Variants in GIGYF1 observed in about 807,000 individuals in gnomAD.
GIGYF1 encodes the protein GRB10 interacting GYF protein 1, also known as GRB10-interacting GYF protein 1.
Under a neutral mutation model 147.1 loss-of-function variants are expected in GIGYF1, and 84 were observed. The ratio of observed to expected loss-of-function variants is 0.57; its 90% CI spans 0.48 to 0.68. The LOEUF (loss-of-function observed/expected upper bound fraction) is 0.68, where lower values mean the gene tolerates loss of function less well. GIGYF1 is among the 30% of genes least tolerant of loss of function. The pLI is 0.00. For synonymous variants in GIGYF1, 752 were observed against 589.5 expected (o/e 1.28, Z -3.99); for missense variants, 1,485 against 1,393.7 (o/e 1.07, Z -1.04).
At position 100,687,819 on chromosome 7, in the gene GIGYF1, A is replaced by C; in HGVS notation, c.230T>G (p.Leu77Arg). ...AVLQDEPLQP[L>R]ALEPLTEEEQ... Reference sequence around the variant, plus strand: ...CTCCTCAGTCAGCGGCTCCAGAGCCAGGGGCTGCAGTGGCTCGTCCTGCAG... The same window carrying C: ...CTCCTCAGTCAGCGGCTCCAGAGCCCGGGGCTGCAGTGGCTCGTCCTGCAG... The change falls in exon 6 of 27, where the codon CTG (leucine) becomes CGG (arginine). Residue 77 changes from leucine (L) to arginine (R), a missense_variant. Coordinates refer to ENST00000678049, the MANE Select transcript of GIGYF1 (RefSeq NM_001375765.1). 6.2e-7 allele frequency: 1 copy of C among 1,613,034 alleles called. No individual in the cohort carries two copies. The highest frequency in any genetic ancestry group is 2.2e-5 in the East Asian group (1 of 44,866).
In GIGYF1 at chr7:100,687,398, G is replaced by A. The variant is rs1332983456; in HGVS notation, c.382C>T (p.Arg128Cys). The A allele has an allele frequency of 7.4e-6, 12 of 1,613,236 alleles. No homozygotes were observed. Among genetic ancestry groups the A allele is most frequent in the Non-Finnish European group, 8.5e-6 (10 of 1,179,968 alleles). ...CTTTGGTAAAAGCAGCTGTCACCAC[G>A]GCCGCGGCCTAGAGAAGAGGCCAGA... ...RGSTRSRGRGRGDSCFYQRSI... is the reference protein window; with the variant it reads ...RGSTRSRGRGCGDSCFYQRSI... The change falls in exon 8 of 27, where the codon CGT (arginine) becomes TGT (cysteine). Residue 128 changes from arginine to cysteine, a missense_variant. Physicochemically the swap from Arg to Cys is radical, Grantham distance 180. Transcript: ENST00000678049.
rs1250099478 is a variant in GIGYF1, at chr7:100,681,153, T to TG, written c.*565dup. The TG allele has an allele frequency of 4.6e-5, 7 of 152,410 alleles. No individual in the cohort carries two copies. The highest frequency in any genetic ancestry group is 8.8e-5 in the Non-Finnish European group (6 of 67,984). The allele number at this position is 152,410 out of a possible 1,614,324, so 9.4% of individuals were successfully genotyped here. On this transcript the variant is annotated 3_prime_UTR_variant, in exon 27 of 27. Transcript: ENST00000678049. ...AGCTGCTCACAACAGGTCTGGCGGG[T>TG]GGGGCTCAGACAGGCCTCCTGTGCA...
At position 100,689,366 on chromosome 7, in the gene GIGYF1, G is replaced by C. The variant is rs1169816890; in HGVS notation, c.-909C>G. 1 of 152,334 alleles carries C rather than the reference G, an allele frequency of 6.6e-6. No individual in the cohort carries two copies. The highest frequency in any genetic ancestry group is 1.5e-5 in the Non-Finnish European group (1 of 68,134). The allele number at this position is 152,334 out of a possible 1,614,324, so 9.4% of individuals were successfully genotyped here. On this transcript the variant is annotated 5_prime_UTR_variant, in exon 2 of 27. Coordinates refer to ENST00000678049, the MANE Select transcript of GIGYF1 (RefSeq NM_001375765.1). ...AGGTCAGGGCAATGGAGGCTGATGG[G>C]GGCGCGGCGGCAGCCTGTTCCTCTA...
rs373667781 is a variant in GIGYF1, at chr7:100,688,277, G to A, written c.-39C>T. On this transcript the variant is annotated 5_prime_UTR_variant, in exon 4 of 27. Coordinates refer to ENST00000678049, the MANE Select transcript of GIGYF1 (RefSeq NM_001375765.1). Reference sequence around the variant, plus strand: ...GTGTTTGAGAGGCCGGGGGTGGGGAGGAGGGGACCTGGCGTTCACTGTCCA... The same window carrying A: ...GTGTTTGAGAGGCCGGGGGTGGGGAAGAGGGGACCTGGCGTTCACTGTCCA... 3 of 1,352,548 alleles carry A rather than the reference G, an allele frequency of 2.2e-6. No individual in the cohort carries two copies. Among genetic ancestry groups the A allele is most frequent in the Non-Finnish European group, 3.2e-6 (3 of 942,774 alleles). 83.8% of individuals were successfully genotyped at this position (1,352,548 alleles called of 1,614,324 possible). A position where few individuals can be genotyped will look rare whatever the true frequency, so the allele number is the denominator to read the frequency against.
In GIGYF1 at chr7:100,681,168, C is replaced by T. The variant is rs989370452; in HGVS notation, c.*551G>A. 1 of 152,726 alleles carries T rather than the reference C, an allele frequency of 6.5e-6. No individual in the cohort carries two copies. The highest frequency in any genetic ancestry group is 1.9e-4 in the East Asian group (1 of 5,194). 9.5% of individuals were successfully genotyped at this position (152,726 alleles called of 1,614,324 possible). A position where few individuals can be genotyped will look rare whatever the true frequency, so the allele number is the denominator to read the frequency against. On this transcript the variant is annotated 3_prime_UTR_variant, in exon 27 of 27. Transcript: ENST00000678049. ...GTCTGGCGGGTGGGGCTCAGACAGG[C>T]CTCCTGTGCAAACTGCTGGCCCCCA...
intron 24 of GIGYF1, 26 bp downstream of exon 24, chr7:100,682,296 C>T: frequency 6.2e-7 from 1 of 1,609,134 alleles, no homozygotes; most frequent in Non-Finnish European, 8.5e-7. Context: ...CAGGTCCCGC[C>T]CACCTCCTGG....
intron 1 of GIGYF1, among the ~76,000 whole-genome samples, chr7:100,690,176 A>C (rs961711266): frequency 1.3e-5 from 2 of 152,216 alleles, no homozygotes; most frequent in Non-Finnish European, 2.9e-5. Context: ...AGGGAACAAA[A>C]GGTATCTGGA....
Position 100,683,646 on chromosome 7 carries a change from G to A in GIGYF1, c.1970-14C>T. 6.2e-7 allele frequency: 1 copy of A among 1,612,560 alleles called. No homozygotes were observed. The highest frequency in any genetic ancestry group is 8.5e-7 in the Non-Finnish European group (1 of 1,178,510). ...TGGCCTCACCACCTGCAGGGGGCAG[G>A]GGGGCAGAGGCGGCTGCAGGTGGGC... On this transcript the variant is annotated splice_polypyrimidine_tract_variant and intron_variant, in intron 19 of 26. Transcript: ENST00000678049.
At position 100,687,776 on chromosome 7, in the gene GIGYF1, G is replaced by A. The variant is rs1209010912; in HGVS notation, c.261+12C>T. ...CAGGCTCCCGCAGCCTCAGCTCCTG[G>A]CCCGGTCCCACCTGTTCCTCCTCAG... On this transcript the variant is annotated intron_variant, in intron 6 of 26. Transcript: ENST00000678049. 22 of 1,610,368 alleles carry A rather than the reference G, an allele frequency of 1.4e-5. No homozygotes were observed. Among genetic ancestry groups the A allele is most frequent in the African/African-American group, 6.7e-5 (5 of 74,706 alleles).
chr7:100,693,112 G>A (rs1388582724), intron 1 of GIGYF1, among the ~76,000 whole-genome samples: 3 of 152,110 alleles, frequency 2.0e-5, no homozygotes, highest in African/African-American at 7.2e-5. Context: ...AGAGGCAGGA[G>A]GGAAGTAAGG....
At position 100,685,377 on chromosome 7, in the gene GIGYF1, C is replaced by T. The variant is rs538822385; in HGVS notation, c.1159G>A (p.Glu387Lys). ...GCTGGGGGCTCTTTCTCTGCAGTTT[C>T]GTCCCCATCCCCGTTTGTCCCCCAG... ...PLWGTNGDGD[E>K]TAEKEPPAAE... is the part of the protein sequence containing the mutation. Residue 387 changes from glutamate to lysine, a missense_variant, in exon 13 of 27, where the codon GAA (glutamate) becomes AAA (lysine). Transcript: ENST00000678049. The T allele has an allele frequency of 1.9e-6, 3 of 1,598,156 alleles. No homozygotes were observed. Among genetic ancestry groups the T allele is most frequent in the African/African-American group, 1.4e-5 (1 of 73,692 alleles).
At position 100,686,086 on chromosome 7, in the gene GIGYF1, G is replaced by A. The variant is rs1239547085; in HGVS notation, c.949-7C>T. The A allele has an allele frequency of 2.5e-6, 4 of 1,611,964 alleles. No individual in the cohort carries two copies. The highest frequency in any genetic ancestry group is 4.5e-5 in the East Asian group (2 of 44,864). ...TGGGCTCCTTGGGGCCCTTCTGCAT[G>A]GGGCCGGGGTGGGGAGCAGAGAACA... On this transcript the variant is annotated splice_region_variant and splice_polypyrimidine_tract_variant and intron_variant, in intron 11 of 26. Transcript: ENST00000678049.
chr7:100,687,262 T>C (rs1425409333), intron 8 of GIGYF1, 36 bp downstream of exon 8: 4 of 1,582,448 alleles, frequency 2.5e-6, no homozygotes, highest in African/African-American at 2.7e-5. Context: ...CTCCCTGGCC[T>C]GCCCGGCTCT....
chr7:100,687,016 C>T lies in GIGYF1; in HGVS notation c.513G>A (p.Arg171=). The change falls in exon 9 of 27, where the codon AGG becomes AGA. Residue 171 remains arginine (R), a synonymous_variant. Coordinates refer to ENST00000678049, the MANE Select transcript of GIGYF1 (RefSeq NM_001375765.1). ...RGERRFEKSA[R]RDGARCGFEE... ...TCAGCAGCCTCGTACCTCCATCCCGCCTTGCTGACTTCTCAAACCGCCTCT... is the reference window on the plus strand; with the variant it reads ...TCAGCAGCCTCGTACCTCCATCCCGTCTTGCTGACTTCTCAAACCGCCTCT... 3.1e-6 allele frequency: 5 copies of T among 1,613,954 alleles called. No homozygotes were observed. The highest frequency in any genetic ancestry group is 4.2e-6 in the Non-Finnish European group (5 of 1,180,020).
Position 100,688,066 on chromosome 7 carries a change from G to T in GIGYF1, c.80C>A (p.Pro27Gln). The T allele has an allele frequency of 6.2e-7, 1 of 1,612,554 alleles. No individual in the cohort carries two copies. Among genetic ancestry groups the T allele is most frequent in the Non-Finnish European group, 8.5e-7 (1 of 1,179,206 alleles). The change falls in exon 5 of 27, where the codon CCG becomes CAG. Residue 27 changes from proline to glutamine, a missense_variant. Physicochemically the swap from Pro to Gln is moderately conservative, Grantham distance 76. Transcript: ENST00000678049. Reference protein sequence around the residue: ...SGGGSVASPPPSPAMPKYKLA... With the variant: ...SGGGSVASPPQSPAMPKYKLA... ...CTTGTATTTGGGCATGGCAGGGGAC[G>T]GGGGTGGGGAGGCCACGCTGCCGCC...
intron 24 of GIGYF1, 22 bp downstream of exon 24, chr7:100,682,300 C>T (rs1186943094): frequency 2.5e-6 from 4 of 1,609,354 alleles, no homozygotes; most frequent in Non-Finnish European, 3.4e-6. Flanking sequence ...TCCCGCCCAC[C>T]TCCTGGGAGC....
In GIGYF1 at chr7:100,682,464, T is replaced by C. The variant is rs766507952; in HGVS notation, c.2619A>G (p.Leu873=). ...TCTTTTTGCGAATGGGCCGACCCGA[T>C]AGGTGGCTGTATGAGTCACTGAAGG... ...SPSLSDSYSH[L]SGRPIRKKTE... Residue 873 remains leucine, a synonymous_variant, in exon 24 of 27, where the codon CTA becomes CTG. Coordinates refer to ENST00000678049, the MANE Select transcript of GIGYF1 (RefSeq NM_001375765.1). 1.1e-5 allele frequency: 17 copies of C among 1,612,550 alleles called. 1 individual carries two copies. The South Asian group carries it at 1.1e-4, about 10-fold the overall frequency.
At chr7:100,686,971 TGCCGCCCCG>T in intron 9 of GIGYF1, 26 bp downstream of exon 9, 3 of 1,613,130 alleles carry the variant, frequency 1.9e-6, no homozygotes, top group South Asian at 2.2e-5. Context: ...TGGTCCTCCC[TGCCGCCCCG>T]GCCGCCGCCC....
chr7:100,690,271 G>A (rs527368221), intron 1 of GIGYF1, among the ~76,000 whole-genome samples: 11 of 152,244 alleles, frequency 7.2e-5, no homozygotes, highest in African/African-American at 2.6e-4. Flanking sequence ...AGGCCATTTT[G>A]GGCCTCCTCC....
Sources: allele counts gnomAD v4.1 joint callset (sites outside exome capture counted in the v4.1 genomes callset), GRCh38; gene constraint gnomAD v4.1.1; transcripts MANE v1.5; gene names NCBI Gene and HGNC (gene_info 2026-07-23, HGNC 2026-07-21).